The following GPHN variants were observed in gnomAD, a reference collection of about 807,000 sequenced individuals.
The protein encoded by GPHN is gephyrin.
GPHN carries 17 observed loss-of-function variants against 95.5 expected under a neutral mutation model. The ratio of observed to expected loss-of-function variants is 0.18; its 90% CI spans 0.12 to 0.27. The LOEUF (loss-of-function observed/expected upper bound fraction) is 0.27. GPHN is among the 10% of genes least tolerant of loss of function. The probability of loss-of-function intolerance (pLI) is 1.00; values close to 1 mark genes in which losing one functional copy is unlikely to be tolerated. For missense variants in GPHN, 660 were observed against 978.1 expected (o/e 0.67, Z 4.34); for synonymous variants, 320 against 322.5 (o/e 0.99, Z 0.08).
At chr14:66,987,418 G>C (rs1264356854) in intron 9 of GPHN, among the ~76,000 whole-genome samples, 1 of 151,992 alleles carries the variant, frequency 6.6e-6, no homozygotes, top group African/African-American at 2.4e-5. Flanking sequence ...TTCAACTTCT[G>C]GATGTATAGA....
chr14:67,492,840 A>G, the GPHN span, among the ~76,000 whole-genome samples: 3 of 152,228 alleles, frequency 2.0e-5, no homozygotes, highest in Non-Finnish European at 4.4e-5. Flanking sequence ...GTACTGTACC[A>G]TGTGTGAACA....
chr14:66,713,155 G>T (rs1426213460), intron 2 of GPHN, among the ~76,000 whole-genome samples: 1 of 151,858 alleles, frequency 6.6e-6, no homozygotes, highest in Non-Finnish European at 1.5e-5. Flanking sequence ...CTCTTTACCA[G>T]CTATGTATCT....
chr14:66,666,100 G>A (rs560500152), intron 1 of GPHN, among the ~76,000 whole-genome samples: 4 of 146,902 alleles, frequency 2.7e-5, no homozygotes, highest in African/African-American at 5.0e-5. Flanking sequence ...GGGGCCTGTC[G>A]TGGGGTAGGG....
chr14:67,361,594 C>G, the GPHN span, among the ~76,000 whole-genome samples: 1 of 152,184 alleles, frequency 6.6e-6, no homozygotes, highest in Non-Finnish European at 1.5e-5. Context: ...ACTTCTATAT[C>G]CATTATAGCA....
At chr14:67,180,324 A>T (rs1002697463) in intron 22 of GPHN, among the ~76,000 whole-genome samples, 2 of 152,232 alleles carry the variant, frequency 1.3e-5, no homozygotes, top group African/African-American at 4.8e-5. Context: ...CTGCATTCAA[A>T]CTGGCCACCA....
At chr14:67,279,789 G>A in the GPHN span, 1 of 379,480 alleles carries the variant, frequency 2.6e-6, no homozygotes, top group Non-Finnish European at 4.7e-6. Flanking sequence ...TTCTGCATGG[G>A]CCCTAACATT....
intron 8 of GPHN, among the ~76,000 whole-genome samples, chr14:66,950,754 A>G (rs981455864): frequency 6.6e-6 from 1 of 152,190 alleles, no homozygotes; most frequent in East Asian, 1.9e-4. Flanking sequence ...TGAAACATAG[A>G]TAAGATTAAT....
chr14:67,720,139 C>T, the GPHN span, among the ~76,000 whole-genome samples: 2 of 152,204 alleles, frequency 1.3e-5, no homozygotes, highest in African/African-American at 2.4e-5. Context: ...TGAAAAGTGG[C>T]TCCCAGTATA....
chr14:66,779,159 C>T (rs1447241503), intron 3 of GPHN, among the ~76,000 whole-genome samples: 1 of 152,074 alleles, frequency 6.6e-6, no homozygotes, highest in Non-Finnish European at 1.5e-5. Flanking sequence ...GTCAAGTGTT[C>T]TAATGTATGG....
chr14:67,630,992 G>T, the GPHN span, among the ~76,000 whole-genome samples: 5 of 152,172 alleles, frequency 3.3e-5, no homozygotes. Flanking sequence ...ACACTCGGCA[G>T]TGCCCTCTCC....
At chr14:67,144,114 T>C (rs942612676) in intron 18 of GPHN, among the ~76,000 whole-genome samples, 1 of 149,826 alleles carries the variant, frequency 6.7e-6, no homozygotes, top group African/African-American at 2.5e-5. Flanking sequence ...GGCACGCGCC[T>C]GCAGTTCCAG....
intron 9 of GPHN, among the ~76,000 whole-genome samples, chr14:66,977,123 G>C (rs890385095): frequency 6.6e-6 from 1 of 152,092 alleles, no homozygotes; most frequent in African/African-American, 2.4e-5. Flanking sequence ...TTGTATACCT[G>C]TGTTCTCTAC....
At chr14:66,781,832 CATT>C (rs756930840) in intron 3 of GPHN, among the ~76,000 whole-genome samples, 1 of 152,174 alleles carries the variant, frequency 6.6e-6, no homozygotes, top group East Asian at 1.9e-4. Flanking sequence ...ATGCTATAAA[CATT>C]ATTATAAGAG....
At chr14:67,409,583 C>T in the GPHN span, among the ~76,000 whole-genome samples, 33 of 152,098 alleles carry the variant, frequency 2.2e-4, no homozygotes, top group Non-Finnish European at 3.8e-4. Context: ...ACGGCTCATC[C>T]CCCACTTCCC....
At chr14:67,730,551 C>T in the GPHN span, among the ~76,000 whole-genome samples, 3 of 152,100 alleles carry the variant, frequency 2.0e-5, no homozygotes, top group Admixed American at 6.6e-5. Flanking sequence ...CTGGTAAGTA[C>T]AATGCAAATA....
chr14:67,561,563 CAGAAA>C, the GPHN span, among the ~76,000 whole-genome samples: 1 of 151,910 alleles, frequency 6.6e-6, no homozygotes, highest in South Asian at 2.1e-4. Context: ...GACCTTGTCT[CAGAAA>C]AGAAAAGAAT....
At chr14:67,396,987 G>A in the GPHN span, among the ~76,000 whole-genome samples, 1 of 148,984 alleles carries the variant, frequency 6.7e-6, no homozygotes, top group African/African-American at 2.5e-5. Context: ...CACCCAGGCT[G>A]GAGTGCAGTG....
At chr14:67,660,093 G>C in the GPHN span, 1 of 639,136 alleles carries the variant, frequency 1.6e-6, no homozygotes, top group Non-Finnish European at 2.6e-6. Context: ...CATTCTGAAT[G>C]CCTTGCATAG....
At position 66,533,748 on chromosome 14, in the gene GPHN, G is replaced by A. The variant is rs78413198; in HGVS notation, c.64+25157G>A. On this transcript the variant is annotated intron_variant, in intron 1 of 22. Transcript: ENST00000478722. ...TCAGGATAAATGGCAGCATGCAGTTGTCTGATTTTAGCCATCTTAAATTGG... is the reference window on the plus strand; with the variant it reads ...TCAGGATAAATGGCAGCATGCAGTTATCTGATTTTAGCCATCTTAAATTGG... Among the ~76,000 whole-genome samples the A allele has an allele frequency of 3.7e-3, 556 of 152,326 alleles. 12 individuals are homozygous for A. Among genetic ancestry groups the A allele is most frequent in the African/African-American group, 0.013 (530 of 41,576 alleles).
Sources: gnomAD v4.1 joint callset for allele counts (sites outside exome capture counted in the v4.1 genomes callset) on GRCh38, gnomAD v4.1.1 for gene constraint, MANE v1.5 for transcripts, NCBI Gene and HGNC (gene_info 2026-07-23, HGNC 2026-07-21) for gene names.